The following BAALC variants were observed in gnomAD, a reference collection of about 807,000 sequenced individuals.
BAALC encodes the protein brain and acute leukemia cytoplasmic protein.
Under a neutral mutation model 15.5 loss-of-function variants are expected in BAALC, and 9 were observed. That is an observed-to-expected ratio of 0.58 (90% CI 0.35 to 1.02). The LOEUF (loss-of-function observed/expected upper bound fraction) is 1.02, where lower values mean the gene tolerates loss of function less well. BAALC is among the 50% of genes least tolerant of loss of function. The pLI is 0.02. For synonymous variants in BAALC, 80 were observed against 74.6 expected, an observed-to-expected ratio of 1.07 and a Z score of -0.37; for missense variants, 201 against 192.4, an observed-to-expected ratio of 1.04 and a Z score of -0.27.
intron 1 of BAALC, among the ~76,000 whole-genome samples, chr8:103,192,921 C>T (rs1408692335): frequency 6.6e-6 from 1 of 152,228 alleles, no homozygotes; most frequent in East Asian, 1.9e-4. Context: ...TCCCAGATAT[C>T]ACCACCAGGG....
intron 1 of BAALC, among the ~76,000 whole-genome samples, chr8:103,180,793 T>C (rs1811709705): frequency 6.6e-6 from 1 of 152,114 alleles, no homozygotes; most frequent in African/African-American, 2.4e-5. Context: ...TGTGTGAAAA[T>C]AGATAGGATT....
At chr8:103,176,219 G>T (rs771146498) in intron 1 of BAALC, among the ~76,000 whole-genome samples, 8 of 152,086 alleles carry the variant, frequency 5.3e-5, no homozygotes, top group Non-Finnish European at 8.8e-5. Flanking sequence ...CACAAGAAAG[G>T]CTCTCTCACG....
intron 2 of BAALC, 133 bp downstream of exon 2, chr8:103,213,218 C>T: frequency 9.6e-7 from 1 of 1,037,260 alleles, no homozygotes; most frequent in Non-Finnish European, 1.3e-6. Context: ...AAGTCTCTGC[C>T]CCACCCATGT....
At position 103,163,527 on chromosome 8, in the gene BAALC, C is replaced by T; in HGVS notation, c.160+22470C>T. ...TTCATCAGAATCATCTCTGGTTGTTCAGGTGTAAGACTTTGGGGTTATTTT... is the reference window on the plus strand; with the variant it reads ...TTCATCAGAATCATCTCTGGTTGTTTAGGTGTAAGACTTTGGGGTTATTTT... On this transcript the variant is annotated intron_variant, in intron 1 of 2. Coordinates refer to ENST00000309982, the MANE Select transcript of BAALC (RefSeq NM_024812.3). Among the ~76,000 whole-genome samples the T allele has an allele frequency of 1.3e-5, 2 of 152,176 alleles. 1 individual carries two copies. Among genetic ancestry groups the T allele is most frequent in the South Asian group, 4.1e-4 (2 of 4,826 alleles).
At chr8:103,183,097 C>T (rs557318370) in intron 1 of BAALC, among the ~76,000 whole-genome samples, 35 of 152,206 alleles carry the variant, frequency 2.3e-4, no homozygotes, top group Non-Finnish European at 1.0e-4. Context: ...ATTATTATCT[C>T]AAACCAGTCA....
intron 1 of BAALC, among the ~76,000 whole-genome samples, chr8:103,164,171 GT>G (rs999335343): frequency 2.0e-5 from 3 of 152,140 alleles, no homozygotes; most frequent in African/African-American, 7.2e-5. Flanking sequence ...AGGGGATAGA[GT>G]GCTCCAGGAG....
chr8:103,187,672 C>T (rs1563647812), intron 1 of BAALC, among the ~76,000 whole-genome samples: 1 of 152,180 alleles, frequency 6.6e-6, no homozygotes, highest in African/African-American at 2.4e-5. Context: ...AGGTTGTGGA[C>T]AGGACACATG....
At chr8:103,196,585 T>G (rs569436747) in intron 1 of BAALC, among the ~76,000 whole-genome samples, 9 of 152,226 alleles carry the variant, frequency 5.9e-5, no homozygotes, top group East Asian at 3.9e-4. Context: ...CTGGCCAGAT[T>G]TTTAGCTCTA....
chr8:103,202,733 G>A (rs1812245896), intron 1 of BAALC: 1 of 152,246 alleles, frequency 6.6e-6, no homozygotes, highest in South Asian at 2.1e-4. Context: ...TGGTGGGATA[G>A]AGAGCTGAAT....
In BAALC at chr8:103,190,033, C is replaced by T. The variant is rs373666102; in HGVS notation, c.161-22886C>T. 3.9e-5 allele frequency among the ~76,000 whole-genome samples: 6 copies of T among 152,024 alleles called. 1 individual carries two copies. The highest frequency in any genetic ancestry group is 4.8e-5 in the African/African-American group (2 of 41,422). ...GAACAAAGGGTGATTTGAGGAGATACGCAGGGATTCGTGTCAGACGTGATT... is the reference window on the plus strand; with the variant it reads ...GAACAAAGGGTGATTTGAGGAGATATGCAGGGATTCGTGTCAGACGTGATT... On this transcript the variant is annotated intron_variant, in intron 1 of 2. Transcript: ENST00000309982.
At chr8:103,196,845 G>T (rs1311403781) in intron 1 of BAALC, among the ~76,000 whole-genome samples, 1 of 152,212 alleles carries the variant, frequency 6.6e-6, no homozygotes, top group Non-Finnish European at 1.5e-5. Context: ...CCTCGTGGTG[G>T]CTTCTGAGTA....
At chr8:103,201,384 C>A (rs1163328453) in intron 1 of BAALC, among the ~76,000 whole-genome samples, 1 of 151,890 alleles carries the variant, frequency 6.6e-6, no homozygotes, top group East Asian at 1.9e-4. Flanking sequence ...GGTAAGGTTG[C>A]TGCTTGTTGG....
intron 1 of BAALC, among the ~76,000 whole-genome samples, chr8:103,171,593 T>C (rs190942125): frequency 2.2e-4 from 33 of 152,328 alleles, no homozygotes; most frequent in African/African-American, 6.7e-4. Flanking sequence ...CTAGGGACTT[T>C]CTGTTTTTGC....
chr8:103,150,660 C>G (rs1810966799), intron 1 of BAALC, among the ~76,000 whole-genome samples: 1 of 152,218 alleles, frequency 6.6e-6, no homozygotes, highest in Non-Finnish European at 1.5e-5. Flanking sequence ...ATTAGGTTGC[C>G]TACCAGTCTT....
At chr8:103,154,137 C>T (rs920110154) in intron 1 of BAALC, among the ~76,000 whole-genome samples, 7 of 152,192 alleles carry the variant, frequency 4.6e-5, no homozygotes, top group East Asian at 1.9e-4. Flanking sequence ...AACACAGCTA[C>T]GACCTCATGG....
At chr8:103,178,550 T>A (rs991692138) in intron 1 of BAALC, among the ~76,000 whole-genome samples, 2 of 152,126 alleles carry the variant, frequency 1.3e-5, no homozygotes, top group East Asian at 3.9e-4. Context: ...AATCTATAGA[T>A]GATTTTGAAA....
chr8:103,190,178 A>C (rs1338421573), intron 1 of BAALC, among the ~76,000 whole-genome samples: 1 of 152,206 alleles, frequency 6.6e-6, no homozygotes, highest in African/African-American at 2.4e-5. Flanking sequence ...ACTGGCTTGA[A>C]GGTAACATGG....
chr8:103,157,860 T>C (rs1239314128), intron 1 of BAALC, among the ~76,000 whole-genome samples: 2 of 152,200 alleles, frequency 1.3e-5, no homozygotes, highest in Non-Finnish European at 1.5e-5. Context: ...TATTAAATTG[T>C]CATTTTTTAT....
intron 2 of BAALC, among the ~76,000 whole-genome samples, chr8:103,215,813 A>G (rs1436034561): frequency 1.3e-5 from 2 of 152,256 alleles, no homozygotes; most frequent in East Asian, 1.9e-4. Context: ...ATTAGGAGCA[A>G]TAATGCAGGC....
Sources: gnomAD v4.1 joint callset for allele counts (sites outside exome capture counted in the v4.1 genomes callset) on GRCh38, gnomAD v4.1.1 for gene constraint, MANE v1.5 for transcripts, NCBI Gene and HGNC (gene_info 2026-07-23, HGNC 2026-07-21) for gene names.